Variants in MCC observed in about 807,000 individuals in gnomAD.
The protein encoded by MCC is MCC regulator of Wnt signaling pathway.
Under a neutral mutation model 116.2 loss-of-function variants are expected in MCC, and 90 were observed. The observed-to-expected ratio is 0.77, with a 90% confidence interval of 0.65 to 0.92. The LOEUF (loss-of-function observed/expected upper bound fraction) is 0.92. MCC is among the 40% of genes least tolerant of loss of function. MCC has a pLI of 0.00. For missense variants in MCC, 1,516 were observed against 1,312.2 expected (o/e 1.16, Z -2.40); for synonymous variants, 578 against 510.5 (o/e 1.13, Z -1.78).
intron 3 of MCC, among the ~76,000 whole-genome samples, chr5:113,237,632 T>C (rs920830637): frequency 4.6e-5 from 7 of 152,206 alleles, no homozygotes; most frequent in Non-Finnish European, 7.3e-5. Flanking sequence ...ACGGGCCGGC[T>C]GTATTTTAGA....
At chr5:113,198,024 T>C (rs1762497404) in intron 3 of MCC, among the ~76,000 whole-genome samples, 1 of 152,224 alleles carries the variant, frequency 6.6e-6, no homozygotes, top group Admixed American at 6.5e-5. Context: ...GGGTAAGAAC[T>C]GGTGGCCAGC....
At chr5:113,090,581 G>C (rs1364695440) in intron 8 of MCC, among the ~76,000 whole-genome samples, 9 of 152,182 alleles carry the variant, frequency 5.9e-5, no homozygotes, top group African/African-American at 1.9e-4. Context: ...GTGAAAAGAA[G>C]AGCACTGATG....
intron 5 of MCC, among the ~76,000 whole-genome samples, chr5:113,124,869 G>A (rs143883157): frequency 2.6e-5 from 4 of 152,364 alleles, no homozygotes; most frequent in African/African-American, 9.6e-5. Flanking sequence ...TCACAAGAAG[G>A]ATGCTGTGGG....
At chr5:113,284,664 T>C (rs1766176805) in intron 3 of MCC, among the ~76,000 whole-genome samples, 1 of 152,198 alleles carries the variant, frequency 6.6e-6, no homozygotes, top group Admixed American at 6.5e-5. Context: ...TAGGACAAGA[T>C]ATCGCTTAAG....
intron 1 of MCC, among the ~76,000 whole-genome samples, chr5:113,441,660 T>C (rs1268186440): frequency 1.3e-5 from 2 of 152,136 alleles, no homozygotes; most frequent in South Asian, 2.1e-4. Context: ...TCTAACCCCC[T>C]ACCCTGGACA....
chr5:113,322,666 A>T (rs900352228), intron 3 of MCC, among the ~76,000 whole-genome samples: 2 of 152,228 alleles, frequency 1.3e-5, no homozygotes, highest in African/African-American at 4.8e-5. Flanking sequence ...CTATCAAAAG[A>T]TAAGAGTTTC....
At chr5:113,418,184 C>T (rs926815803) in intron 1 of MCC, among the ~76,000 whole-genome samples, 3 of 151,790 alleles carry the variant, frequency 2.0e-5, no homozygotes, top group Non-Finnish European at 4.4e-5. Context: ...TCAAATTCAG[C>T]AGCACAAACT....
chr5:113,136,858 T>C (rs1758863235), intron 5 of MCC, among the ~76,000 whole-genome samples: 1 of 152,200 alleles, frequency 6.6e-6, no homozygotes, highest in Non-Finnish European at 1.5e-5. Context: ...ATTTCTTTCT[T>C]TCCTAATTGC....
intron 3 of MCC, among the ~76,000 whole-genome samples, chr5:113,269,590 C>T (rs560741613): frequency 6.6e-6 from 1 of 152,214 alleles, no homozygotes; most frequent in Non-Finnish European, 1.5e-5. Context: ...CCCCAACCTA[C>T]AGTCACATGC....
intron 1 of MCC, among the ~76,000 whole-genome samples, chr5:113,482,926 T>C (rs980572705): frequency 3.3e-5 from 5 of 152,212 alleles, no homozygotes; most frequent in Non-Finnish European, 4.4e-5. Flanking sequence ...GTAATTTTTG[T>C]AGATGGTGTG....
chr5:113,262,554 T>C (rs1469709947), intron 3 of MCC, among the ~76,000 whole-genome samples: 1 of 152,216 alleles, frequency 6.6e-6, no homozygotes, highest in Non-Finnish European at 1.5e-5. Context: ...CGTTTATACA[T>C]GTCACCTTAA....
intron 11 of MCC, among the ~76,000 whole-genome samples, chr5:113,082,054 C>A (rs1754893663): frequency 6.6e-6 from 1 of 152,204 alleles, no homozygotes; most frequent in Non-Finnish European, 1.5e-5. Flanking sequence ...ATTCTGAGGC[C>A]AAGTGGTTTC....
At chr5:113,406,184 T>C (rs1471948440) in intron 1 of MCC, among the ~76,000 whole-genome samples, 3 of 152,228 alleles carry the variant, frequency 2.0e-5, no homozygotes, top group African/African-American at 7.2e-5. Flanking sequence ...TGAGAAATTA[T>C]GATGAAGTTA....
chr5:113,075,379 A>T lies in MCC; in HGVS notation c.1785-4145T>A, dbSNP rs116214957. 2.4e-4 allele frequency among the ~76,000 whole-genome samples: 36 copies of T among 152,152 alleles called. No individual in the cohort carries two copies. The East Asian group carries it at 6.2e-3, about 26-fold the overall frequency. ...CCGATGGGTGCCGCCCCCTGCTCTG[A>T]GGTGCCCAGTCCCATCGACCGCCCA... is the stretch of plus-strand genomic sequence containing the variant. On this transcript the variant is annotated intron_variant, in intron 11 of 18. Transcript: ENST00000408903.
At chr5:113,263,630 T>G (rs1765294960) in intron 3 of MCC, among the ~76,000 whole-genome samples, 1 of 152,248 alleles carries the variant, frequency 6.6e-6, no homozygotes, top group Admixed American at 6.5e-5. Flanking sequence ...ATAATTTTAC[T>G]GCAGGAATCT....
At chr5:113,087,889 C>G (rs1755315009) in intron 8 of MCC, among the ~76,000 whole-genome samples, 1 of 151,462 alleles carries the variant, frequency 6.6e-6, no homozygotes, top group African/African-American at 2.4e-5. Context: ...CTTCTAATCA[C>G]AAAAGTAAAA....
At chr5:113,058,135 T>C (rs1256966397) in intron 14 of MCC, among the ~76,000 whole-genome samples, 1 of 152,208 alleles carries the variant, frequency 6.6e-6, no homozygotes, top group Non-Finnish European at 1.5e-5. Flanking sequence ...GACACTGAGG[T>C]ATATTTTCTT....
At chr5:113,269,063 C>T (rs1822488) in intron 3 of MCC, 74,095 of 624,636 alleles carry the variant, frequency 0.12, 9,470 homozygotes, top group African/African-American at 0.52. Context: ...GCAGCACAAA[C>T]AGATGGGTGG....
chr5:113,457,269 A>G (rs1203524268), intron 1 of MCC, among the ~76,000 whole-genome samples: 1 of 152,222 alleles, frequency 6.6e-6, no homozygotes, highest in African/African-American at 2.4e-5. Flanking sequence ...GCCCCAGGCA[A>G]TGAGGGACTT....
Sources: gnomAD v4.1 joint callset for allele counts (sites outside exome capture counted in the v4.1 genomes callset) on GRCh38, gnomAD v4.1.1 for gene constraint, MANE v1.5 for transcripts, NCBI Gene and HGNC (gene_info 2026-07-23, HGNC 2026-07-21) for gene names.